The following RTEL1 variants were observed in gnomAD, a reference collection of about 807,000 sequenced individuals.
RTEL1 encodes regulator of telomere elongation helicase 1, also known as regulator of telomere length.
Under a neutral mutation model 162.2 loss-of-function variants are expected in RTEL1, and 86 were observed. The observed-to-expected ratio is 0.53, with a 90% CI of 0.45 to 0.63. RTEL1 has a LOEUF of 0.63. Among genes scored for constraint, RTEL1 ranks in the 30% least tolerant of loss-of-function variants. The probability of loss-of-function intolerance (pLI) is 0.00; values close to 1 mark genes in which losing one functional copy is unlikely to be tolerated. For missense variants in RTEL1, 1,941 were observed against 1,750.2 expected, an observed-to-expected ratio of 1.11 and a Z score of -1.95; for synonymous variants, 958 against 717.9, an observed-to-expected ratio of 1.33 and a Z score of -5.35.
chr20:63,682,141 C>T lies in RTEL1; in HGVS notation c.1191+1422C>T, dbSNP rs938833441. On this transcript the variant is annotated intron_variant, in intron 14 of 34. Transcript: ENST00000360203. ...CCCAGGCTCCCACTTATGGAGAAGTCTCCTCCACACTATGGAACTGAATCC... is the reference window on the plus strand; with the variant it reads ...CCCAGGCTCCCACTTATGGAGAAGTTTCCTCCACACTATGGAACTGAATCC... 4 of 985,324 alleles carry T rather than the reference C, an allele frequency of 4.1e-6. No homozygotes were observed. The African/African-American group carries it at 7.0e-5, about 17-fold the overall frequency. 61.0% of individuals were successfully genotyped at this position (985,324 alleles called of 1,614,324 possible). A position where few individuals can be genotyped will look rare whatever the true frequency, so the allele number is the denominator to read the frequency against.
chr20:63,680,546 T>G, intron 13 of RTEL1, 118 bp from the exon 14 acceptor site: 1 of 1,083,192 alleles, frequency 9.2e-7, no homozygotes. Context: ...GGGCCCCCCA[T>G]TGGGCAGGAG....
Position 63,672,537 on chromosome 20 carries a change from CCTTCT to C in RTEL1, c.700-14_700-10del. The C allele has an allele frequency of 6.4e-7, 1 of 1,563,744 alleles. No homozygotes were observed. The highest frequency in any genetic ancestry group is 8.7e-7 in the Non-Finnish European group (1 of 1,150,902). ...CCTCTGTGAGCTCCAGCGCTGCGTCCCTTCTCTTCCTCCTGTAGAGCCGCAGAGCA... is the reference window on the plus strand; with the variant it reads ...CCTCTGTGAGCTCCAGCGCTGCGTCCCTTCCTCCTGTAGAGCCGCAGAGCA... On this transcript the variant is annotated splice_polypyrimidine_tract_variant and intron_variant, in intron 8 of 34. Coordinates refer to ENST00000360203, the MANE Select transcript of RTEL1 (RefSeq NM_001283009.2).
At chr20:63,679,773 CCT>C in intron 12 of RTEL1, 74 bp from the exon 13 acceptor site, 1 of 1,148,468 alleles carries the variant, frequency 8.7e-7, no homozygotes, top group South Asian at 1.2e-5. Context: ...CCCGAGCCTG[CCT>C]TCTTCTCCTC....
chr20:63,686,850 A>C (rs1353337664), intron 16 of RTEL1: 1 of 165,900 alleles, frequency 6.0e-6, no homozygotes, highest in Middle Eastern at 2.6e-3. Context: ...CACAGATTCC[A>C]AGGGCCTGGA....
In RTEL1 at chr20:63,693,448, G is replaced by C. The variant is rs1446760941; in HGVS notation, c.2992+165G>C. On this transcript the variant is annotated intron_variant, in intron 30 of 34. Transcript: ENST00000360203. ...TCCACCTCCACCACCAGCACCAGCA[G>C]CACCACCTCCACCTCCACCTCCACC... Among the ~76,000 whole-genome samples the C allele has an allele frequency of 6.7e-3, 284 of 42,290 alleles. 8 individuals carry two copies. The highest frequency in any genetic ancestry group is 0.015 in the Admixed American group (72 of 4,652). 27.7% of individuals were successfully genotyped at this position (42,290 alleles called of 152,430 possible). A position where few individuals can be genotyped will look rare whatever the true frequency, so the allele number is the denominator to read the frequency against.
chr20:63,691,449 G>A (rs1253914773), intron 27 of RTEL1, among the ~76,000 whole-genome samples: 1 of 152,106 alleles, frequency 6.6e-6, no homozygotes, highest in Non-Finnish European at 1.5e-5. Flanking sequence ...GTGAGCTCCA[G>A]GTGCAGGCAC....
At chr20:63,662,010 C>A in intron 4 of RTEL1, 67 bp downstream of exon 4, 6 of 1,181,726 alleles carry the variant, frequency 5.1e-6, no homozygotes, top group Non-Finnish European at 7.6e-6. Context: ...GGTGCTGAGT[C>A]CACAGCCCCA....
rs1568720101 is a variant in RTEL1 at position 63,693,474 on chromosome 20, T to TCCACCTCCA, written c.2992+197_2992+205dup. Reference sequence around the variant, plus strand: ...CACCACCTCCACCTCCACCTCCACCTCCACCTCCACCACCACCTCCACCTC... The same window carrying TCCACCTCCA: ...CACCACCTCCACCTCCACCTCCACCTCCACCTCCACCACCTCCACCACCACCTCCACCTC... On this transcript the variant is annotated intron_variant, in intron 30 of 34. Coordinates refer to ENST00000360203, the MANE Select transcript of RTEL1 (RefSeq NM_001283009.2). Among the ~76,000 whole-genome samples the TCCACCTCCA allele has an allele frequency of 1.1e-3, 9 of 8,552 alleles. 1 individual carries two copies. In the East Asian group the frequency reaches 0.012, roughly 11 times the overall value. 5.6% of individuals were successfully genotyped at this position (8,552 alleles called of 152,430 possible). A position where few individuals can be genotyped will look rare whatever the true frequency, so the allele number is the denominator to read the frequency against.
rs560663930 is a variant in RTEL1, at chr20:63,658,621, C to A, written c.-171+155C>A. The A allele has an allele frequency of 2.6e-5, 4 of 152,314 alleles. No individual in the cohort carries two copies. In the East Asian group the frequency reaches 7.7e-4, roughly 29 times the overall value. 9.4% of individuals were successfully genotyped at this position (152,314 alleles called of 1,614,324 possible). On this transcript the variant is annotated intron_variant, in intron 1 of 34. Coordinates refer to ENST00000360203, the MANE Select transcript of RTEL1 (RefSeq NM_001283009.2). ...CGCTGCATTTTGGGACCTGTAGTTT[C>A]CTGCGCTCGTGGCGCTGGCGCCGCG...
intron 21 of RTEL1, 161 bp from the exon 22 acceptor site, chr20:63,688,894 G>A (rs2090658011): frequency 4.0e-6 from 3 of 741,930 alleles, no homozygotes; most frequent in Admixed American, 4.4e-5. Flanking sequence ...CAGGCGTGGG[G>A]TCAGCCTGGG....
In RTEL1 at chr20:63,674,112, T is replaced by A; in HGVS notation, c.919+19T>A. The A allele has an allele frequency of 6.3e-7, 1 of 1,596,928 alleles. No individual in the cohort carries two copies. Among genetic ancestry groups the A allele is most frequent in the East Asian group, 2.2e-5 (1 of 44,618 alleles). On this transcript the variant is annotated intron_variant, in intron 10 of 34. Transcript: ENST00000360203. Reference sequence around the variant, plus strand: ...AGCCCAGGTGCGTTCATAGCCAGACTGCTTGGTCCTGAGGCCTGCGCTGCT... The same window carrying A: ...AGCCCAGGTGCGTTCATAGCCAGACAGCTTGGTCCTGAGGCCTGCGCTGCT...
chr20:63,668,037 T>C lies in RTEL1; in HGVS notation c.699+484T>C, dbSNP rs2090171956. Among the ~76,000 whole-genome samples the C allele has an allele frequency of 7.1e-6, 1 of 140,860 alleles. No homozygotes were observed. 92.4% of individuals were successfully genotyped at this position (140,860 alleles called of 152,430 possible). A position where few individuals can be genotyped will look rare whatever the true frequency, so the allele number is the denominator to read the frequency against. On this transcript the variant is annotated intron_variant, in intron 8 of 34. Coordinates refer to ENST00000360203, the MANE Select transcript of RTEL1 (RefSeq NM_001283009.2). This position sits in a 1 kb window ranked among gnomAD's most constrained non-coding sequence, Gnocchi z 4.3. Reference sequence around the variant, plus strand: ...CTCCCCCCACAGCATGTGCCCGGCCTGACACTCACTCCCCTCCTCCCAGTG... The same window carrying C: ...CTCCCCCCACAGCATGTGCCCGGCCCGACACTCACTCCCCTCCTCCCAGTG...
rs2090161521 is a variant in RTEL1 at position 63,667,560 on chromosome 20, G to A, written c.699+7G>A. 2 of 1,611,144 alleles carry A rather than the reference G, an allele frequency of 1.2e-6. No individual in the cohort carries two copies. The highest frequency in any genetic ancestry group is 8.5e-7 in the Non-Finnish European group (1 of 1,177,394). Reference sequence around the variant, plus strand: ...TTACTTGTTGGATGCCAAGGTGGGGGCTCAGTCCTGTAGCTGACGACTCCT... The same window carrying A: ...TTACTTGTTGGATGCCAAGGTGGGGACTCAGTCCTGTAGCTGACGACTCCT... On this transcript the variant is annotated splice_region_variant and intron_variant, in intron 8 of 34. Coordinates refer to ENST00000360203, the MANE Select transcript of RTEL1 (RefSeq NM_001283009.2).
intron 10 of RTEL1, among the ~76,000 whole-genome samples, chr20:63,674,668 C>A (rs1404861671): frequency 6.6e-6 from 1 of 151,728 alleles, no homozygotes. Context: ...CCACTGCACT[C>A]CAGCCTGGGC....
intron 29 of RTEL1, 29 bp downstream of exon 29, chr20:63,693,032 C>G (rs535408177): frequency 6.2e-6 from 10 of 1,611,408 alleles, no homozygotes; most frequent in African/African-American, 1.3e-5. Context: ...GCCACCCACC[C>G]TGAGGGCAGT....
intron 14 of RTEL1, among the ~76,000 whole-genome samples, chr20:63,683,893 C>T (rs193226338): frequency 6.6e-6 from 1 of 152,008 alleles, no homozygotes. Context: ...TCTGAGGATC[C>T]CATATACATA....
chr20:63,677,707 G>A (rs2090385134), intron 10 of RTEL1, among the ~76,000 whole-genome samples: 1 of 152,088 alleles, frequency 6.6e-6, no homozygotes. Context: ...GCCTGTTGGT[G>A]GATTTGGCCT....
chr20:63,688,654 C>T, intron 21 of RTEL1, 49 bp downstream of exon 21: 1 of 1,530,908 alleles, frequency 6.5e-7, no homozygotes. Context: ...CGTGCCTCCC[C>T]TGCCTCTCAC....
chr20:63,685,516 C>T lies in RTEL1; in HGVS notation c.1192-7C>T. 4.3e-6 allele frequency: 7 copies of T among 1,612,354 alleles called. No homozygotes were observed. Among genetic ancestry groups the T allele is most frequent in the Non-Finnish European group, 5.9e-6 (7 of 1,179,780 alleles). On this transcript the variant is annotated splice_polypyrimidine_tract_variant and splice_region_variant and intron_variant, in intron 14 of 34. Transcript: ENST00000360203. ...CCTGACGGGGCTGCACTTCCTCTGC[C>T]TTTCAGATTGTGTTCAGTGTGGACC...
Sources: gnomAD v4.1 joint callset for allele counts (sites outside exome capture counted in the v4.1 genomes callset) on GRCh38, gnomAD v4.1.1 for gene constraint, Gnocchi (gnomAD v3.1) non-coding constraint, MANE v1.5 for transcripts, NCBI Gene and HGNC (gene_info 2026-07-23, HGNC 2026-07-21) for gene names.